Variants in PSD3 observed in about 807,000 individuals in gnomAD.
PSD3 encodes pleckstrin and Sec7 domain containing 3.
In PSD3, 49 loss-of-function variants were observed where a neutral mutation model predicts 105.5. That is an observed-to-expected ratio of 0.46 (90% CI 0.37 to 0.59). PSD3 has a LOEUF of 0.59. Ranked by LOEUF, PSD3 falls within the 20% of genes least tolerant of loss-of-function variation. The pLI, the probability that PSD3 is intolerant of heterozygous loss-of-function variation, is 0.00. For synonymous variants in PSD3, 557 were observed against 457.8 expected (o/e 1.22, Z -2.77); for missense variants, 1,561 against 1,263.8 (o/e 1.24, Z -3.57).
intron 1 of PSD3, among the ~76,000 whole-genome samples, chr8:19,048,792 G>A (rs1828416129): frequency 6.6e-6 from 1 of 152,168 alleles, no homozygotes. Flanking sequence ...GAGCTCCTTA[G>A]GTTCTGTATT....
intron 8 of PSD3, among the ~76,000 whole-genome samples, chr8:18,771,908 T>C (rs1450909135): frequency 6.6e-6 from 1 of 152,226 alleles, no homozygotes; most frequent in Non-Finnish European, 1.5e-5. Context: ...TGCCAGCCAC[T>C]TGTAACCAAC....
At position 18,574,315 on chromosome 8, in the gene PSD3, T is replaced by C. The variant is rs931315264; in HGVS notation, c.2639+813A>G. 1.3e-5 allele frequency among the ~76,000 whole-genome samples: 2 copies of C among 152,214 alleles called. 1 individual carries two copies. Among genetic ancestry groups the C allele is most frequent in the African/African-American group, 4.8e-5 (2 of 41,454 alleles). On this transcript the variant is annotated intron_variant, in intron 13 of 15. Transcript: ENST00000327040. ...TTATTTCAATGGACTGTTTTTTGCATCAATTCTGTCCAAAGTAATTAGATC... is the reference window on the plus strand; with the variant it reads ...TTATTTCAATGGACTGTTTTTTGCACCAATTCTGTCCAAAGTAATTAGATC...
At chr8:18,640,481 A>C (rs1807565367) in intron 10 of PSD3, among the ~76,000 whole-genome samples, 1 of 152,070 alleles carries the variant, frequency 6.6e-6, no homozygotes, top group Admixed American at 6.5e-5. Context: ...TACTCGTGTG[A>C]TATTAAGTTC....
intron 9 of PSD3, among the ~76,000 whole-genome samples, chr8:18,694,071 A>C (rs185086857): frequency 1.2e-4 from 18 of 152,324 alleles, no homozygotes; most frequent in Middle Eastern, 3.4e-3. Context: ...CAGTAAGGTA[A>C]CTAGAGCACC....
At chr8:18,757,323 G>T (rs1435833610) in intron 9 of PSD3, among the ~76,000 whole-genome samples, 3 of 151,730 alleles carry the variant, frequency 2.0e-5, no homozygotes, top group Non-Finnish European at 4.4e-5. Context: ...AATTAGCTGG[G>T]CGTGGTGGTG....
intron 9 of PSD3, among the ~76,000 whole-genome samples, chr8:18,682,222 A>T (rs1235175997): frequency 3.3e-5 from 5 of 152,188 alleles, no homozygotes; most frequent in Non-Finnish European, 7.3e-5. Context: ...ACTACAACAG[A>T]GTTAAGGATG....
At chr8:18,966,180 T>C (rs554733243) in intron 1 of PSD3, among the ~76,000 whole-genome samples, 1 of 152,252 alleles carries the variant, frequency 6.6e-6, no homozygotes, top group South Asian at 2.1e-4. Flanking sequence ...CTAAGATGGA[T>C]TTCTTAATTA....
chr8:18,893,724 G>A (rs954872483), intron 2 of PSD3, among the ~76,000 whole-genome samples: 1 of 152,034 alleles, frequency 6.6e-6, no homozygotes, highest in African/African-American at 2.4e-5. Context: ...CCAGGCCCAG[G>A]AGCAGAGCAC....
chr8:18,832,986 G>A (rs1402240954), intron 4 of PSD3, among the ~76,000 whole-genome samples: 1 of 152,192 alleles, frequency 6.6e-6, no homozygotes, highest in African/African-American at 2.4e-5. Context: ...AGGCAGATAT[G>A]CTCTCTGGCA....
chr8:18,756,374 A>C (rs1181790764), intron 9 of PSD3, among the ~76,000 whole-genome samples: 1 of 152,170 alleles, frequency 6.6e-6, no homozygotes, highest in Non-Finnish European at 1.5e-5. Context: ...CCTCTTGTGT[A>C]GTCCTTTGGG....
At chr8:18,698,486 GGAA>G (rs1801389027) in intron 9 of PSD3, among the ~76,000 whole-genome samples, 2 of 152,012 alleles carry the variant, frequency 1.3e-5, no homozygotes, top group Admixed American at 6.6e-5. Flanking sequence ...GAAGCAGAAG[GGAA>G]GAAGAGGTTT....
chr8:18,866,921 C>T (rs943983277), intron 4 of PSD3, among the ~76,000 whole-genome samples: 1 of 151,150 alleles, frequency 6.6e-6, no homozygotes, highest in Non-Finnish European at 1.5e-5. Flanking sequence ...CACACATATA[C>T]CAAAACAAAA....
intron 4 of PSD3, chr8:18,865,279 TATATA>T (rs1816835951): frequency 1.9e-4 from 1 of 5,318 alleles, no homozygotes; most frequent in Admixed American, 2.6e-3. Context: ...TATATATATA[TATATA>T]TATTTTTTTT....
chr8:18,989,850 G>C (rs1409530290), intron 1 of PSD3, among the ~76,000 whole-genome samples: 10 of 152,168 alleles, frequency 6.6e-5, no homozygotes, highest in African/African-American at 2.2e-4. Flanking sequence ...GGTGAAGAAA[G>C]ATGAAATGCT....
chr8:18,996,877 T>C (rs1377988115), intron 1 of PSD3, among the ~76,000 whole-genome samples: 1 of 151,952 alleles, frequency 6.6e-6, no homozygotes, highest in Non-Finnish European at 1.5e-5. Context: ...GACATCTCCA[T>C]TGCTAAATCC....
intron 11 of PSD3, among the ~76,000 whole-genome samples, chr8:18,628,676 G>C (rs1342144426): frequency 6.6e-6 from 1 of 151,868 alleles, no homozygotes; most frequent in Non-Finnish European, 1.5e-5. Flanking sequence ...ACATCACAAA[G>C]GCTAGGAAGA....
At chr8:19,041,438 G>A (rs1482666718) in intron 1 of PSD3, among the ~76,000 whole-genome samples, 1 of 152,326 alleles carries the variant, frequency 6.6e-6, no homozygotes, top group East Asian at 1.9e-4. Context: ...ACTTTGTGAA[G>A]ATTAAGTGAG....
intron 1 of PSD3, among the ~76,000 whole-genome samples, chr8:18,978,079 G>C (rs1365003869): frequency 1.3e-5 from 2 of 152,192 alleles, no homozygotes; most frequent in Admixed American, 1.3e-4. Context: ...ATTGGGCCAG[G>C]CTCCCACCTG....
intron 1 of PSD3, among the ~76,000 whole-genome samples, chr8:18,946,184 T>C (rs1219935848): frequency 6.6e-6 from 1 of 152,172 alleles, no homozygotes; most frequent in South Asian, 2.1e-4. Context: ...AAAAATTTTT[T>C]ATTGCTGAAA....
Sources: allele counts gnomAD v4.1 joint callset (sites outside exome capture counted in the v4.1 genomes callset), GRCh38; gene constraint gnomAD v4.1.1; transcripts MANE v1.5; gene names NCBI Gene and HGNC (gene_info 2026-07-23, HGNC 2026-07-21).